NOTCH3: variants seen among roughly 807,000 people sequenced by gnomAD.
The protein encoded by NOTCH3 is notch receptor 3.
Under a neutral mutation model 213.3 loss-of-function variants are expected in NOTCH3, and 86 were observed. The observed-to-expected ratio is 0.40, with a 90% CI of 0.34 to 0.48. The LOEUF is 0.48. Among genes scored for constraint, NOTCH3 ranks in the 20% least tolerant of loss-of-function variants. NOTCH3 has a pLI of 0.57. For synonymous variants in NOTCH3, 1,354 were observed against 1,355.9 expected, an observed-to-expected ratio of 1.00 and a Z score of 0.03; for missense variants, 2,783 against 3,272.6, an observed-to-expected ratio of 0.85 and a Z score of 3.65.
chr19:15,179,521 C>G, intron 20 of NOTCH3, 25 bp from the exon 21 acceptor site: 1 of 1,613,050 alleles, frequency 6.2e-7, no homozygotes, highest in Non-Finnish European at 8.5e-7. Flanking sequence ...GAGAGGGACC[C>G]ACTCAGCTTA....
rs1422424368 is a variant in NOTCH3 at position 15,185,690 on chromosome 19, C to A, written c.1952-11G>T. On this transcript the variant is annotated splice_polypyrimidine_tract_variant and intron_variant, in intron 12 of 32. Coordinates refer to ENST00000263388, the MANE Select transcript of NOTCH3 (RefSeq NM_000435.3). This position sits in a 1 kb window ranked among gnomAD's most constrained non-coding sequence, Gnocchi z 4.2. Reference sequence around the variant, plus strand: ...CGTTACAAAGGGGCCCTGGGGAGTACACAAGCAATCTCATCTCAGAACAAA... The same window carrying A: ...CGTTACAAAGGGGCCCTGGGGAGTAAACAAGCAATCTCATCTCAGAACAAA... The A allele has an allele frequency of 1.2e-6, 2 of 1,612,394 alleles. No homozygotes were observed. The highest frequency in any genetic ancestry group is 1.7e-6 in the Non-Finnish European group (2 of 1,179,960).
chr19:15,189,811 G>T (rs993234489), intron 6 of NOTCH3, among the ~76,000 whole-genome samples: 1 of 151,912 alleles, frequency 6.6e-6, no homozygotes, highest in African/African-American at 2.4e-5. Context: ...GAGCCACCGC[G>T]CCCGGCCTGT....
chr19:15,161,429 G>C lies in NOTCH3; in HGVS notation c.6199C>G (p.Pro2067Ala). Residue 2067 changes from proline to alanine, a missense_variant, in exon 33 of 33, where the codon CCC (proline) becomes GCC (alanine). Coordinates refer to ENST00000263388, the MANE Select transcript of NOTCH3 (RefSeq NM_000435.3). ...QSGSKKSRRP[P>A]GKAGLGPQGP... ...TGCGGCCCCAGCCCCGCCTTCCCGG[G>C]GGGCCTCCTGCTCTTCTTGGACCCC... 6.5e-7 allele frequency: 1 copy of C among 1,536,156 alleles called. No individual in the cohort carries two copies. Among genetic ancestry groups the C allele is most frequent in the Non-Finnish European group, 8.8e-7 (1 of 1,139,136 alleles).
chr19:15,183,647 C>T (rs923613331), intron 16 of NOTCH3, among the ~76,000 whole-genome samples: 1 of 152,158 alleles, frequency 6.6e-6, no homozygotes, highest in East Asian at 1.9e-4. Context: ...GATCCGCCCA[C>T]CTTGGCCTCC....
chr19:15,171,216 C>T (rs915669647), intron 25 of NOTCH3, among the ~76,000 whole-genome samples: 7 of 151,880 alleles, frequency 4.6e-5, no homozygotes, highest in Non-Finnish European at 2.9e-5. Context: ...TTAGTAGAGA[C>T]GGGGTTTCAC....
At chr19:15,161,857 A>G in intron 32 of NOTCH3, 143 bp from the exon 33 acceptor site, 3 of 685,460 alleles carry the variant, frequency 4.4e-6, no homozygotes, top group Non-Finnish European at 7.3e-6. Context: ...GTGCTGGGGG[A>G]GCCTGGACAA....
chr19:15,177,251 G>GAA (rs1555727291), intron 24 of NOTCH3, among the ~76,000 whole-genome samples: 11 of 116,118 alleles, frequency 9.5e-5, no homozygotes, highest in Non-Finnish European at 1.6e-4. Flanking sequence ...TCCATCTCGG[G>GAA]AAAAAAAAAA....
At position 15,177,887 on chromosome 19, in the gene NOTCH3, C is replaced by A; in HGVS notation, c.4041G>T (p.Gly1347=). The A allele has an allele frequency of 8.0e-7, 1 of 1,253,374 alleles. No individual in the cohort carries two copies. Among genetic ancestry groups the A allele is most frequent in the Non-Finnish European group, 1.0e-6 (1 of 1,001,848 alleles). 77.6% of individuals were successfully genotyped at this position (1,253,374 alleles called of 1,614,324 possible). Reference sequence around the variant, plus strand: ...CGAGCGGCGCGGGGCGGCAGGAGCCCCCGTGGAGACAGGGGGCGGCCGCGC... The same window carrying A: ...CGAGCGGCGCGGGGCGGCAGGAGCCACCGTGGAGACAGGGGGCGGCCGCGC... ...ASCAAAPCLH[G]GSCRPAPLAP... Residue 1347 remains glycine, a synonymous_variant, in exon 24 of 33, where the codon GGG becomes GGT. Transcript: ENST00000263388.
chr19:15,192,322 G>C lies in NOTCH3; in HGVS notation c.341-24C>G, dbSNP rs750026329. The C allele has an allele frequency of 5.6e-6, 9 of 1,611,744 alleles. No homozygotes were observed. Among genetic ancestry groups the C allele is most frequent in the East Asian group, 2.2e-5 (1 of 44,840 alleles). ...GCCTGGAGGGACCAGGACAGGGTGA[G>C]TTTAGGACTGACCACACCCCCGACT... On this transcript the variant is annotated intron_variant, in intron 3 of 32. Coordinates refer to ENST00000263388, the MANE Select transcript of NOTCH3 (RefSeq NM_000435.3).
chr19:15,200,988 C>T lies in NOTCH3; in HGVS notation c.-83G>A, dbSNP rs990849147. 7 of 192,416 alleles carry T rather than the reference C, an allele frequency of 3.6e-5. No homozygotes were observed. The highest frequency in any genetic ancestry group is 7.2e-5 in the Non-Finnish European group (7 of 96,864). The allele number at this position is 192,416 out of a possible 1,614,324, so 11.9% of individuals were successfully genotyped here. A position where few individuals can be genotyped will look rare whatever the true frequency, so the allele number is the denominator to read the frequency against. On this transcript the variant is annotated 5_prime_UTR_variant, in exon 1 of 33. Coordinates refer to ENST00000263388, the MANE Select transcript of NOTCH3 (RefSeq NM_000435.3). ...GGGCCAGCCTCCGCGCCGCCAACTT[C>T]GCCGAAGTGAGGCGGCCGGGCCGCC...
intron 26 of NOTCH3, 22 bp from the exon 27 acceptor site, chr19:15,170,575 C>T (rs2074620): frequency 1.9e-6 from 3 of 1,603,510 alleles, no homozygotes; most frequent in East Asian, 2.2e-5. Flanking sequence ...AAGCAGAGGG[C>T]GGGGCTTCAG....
At chr19:15,162,411 T>C in intron 32 of NOTCH3, 54 bp downstream of exon 32, 1 of 1,223,768 alleles carries the variant, frequency 8.2e-7, no homozygotes, top group Non-Finnish European at 1.2e-6. Flanking sequence ...CAGGCTGGAT[T>C]GCAATGGCAC....
intron 6 of NOTCH3, among the ~76,000 whole-genome samples, chr19:15,190,611 G>A (rs990108616): frequency 6.6e-6 from 1 of 151,984 alleles, no homozygotes; most frequent in Non-Finnish European, 1.5e-5. Flanking sequence ...TGTTATACAC[G>A]GTCTTACACT....
At chr19:15,174,775 T>C (rs901257615) in intron 24 of NOTCH3, among the ~76,000 whole-genome samples, 7 of 152,104 alleles carry the variant, frequency 4.6e-5, no homozygotes, top group African/African-American at 1.7e-4. Context: ...GGTTTTACTA[T>C]GTTGGCCAGG....
At chr19:15,176,724 C>G (rs1231631584) in intron 24 of NOTCH3, among the ~76,000 whole-genome samples, 3 of 142,278 alleles carry the variant, frequency 2.1e-5, no homozygotes, top group Non-Finnish European at 4.5e-5. Context: ...GATCACACCA[C>G]TGCACTCCAG....
intron 28 of NOTCH3, among the ~76,000 whole-genome samples, chr19:15,167,880 C>T (rs1231721659): frequency 9.0e-6 from 1 of 110,914 alleles, no homozygotes; most frequent in African/African-American, 3.6e-5. Context: ...AAGGAAGACA[C>T]AAGGTTTCTT....
At position 15,191,835 on chromosome 19, in the gene NOTCH3, C is replaced by A; in HGVS notation, c.712G>T (p.Asp238Tyr). Residue 238 changes from aspartate (D) to tyrosine (Y), a missense_variant, in exon 5 of 33, where the codon GAC (aspartate) becomes TAC (tyrosine). Asp to Tyr is a radical substitution (Grantham distance 160). Transcript: ENST00000263388. ...FEGQNCEVNV[D>Y]DCPGHRCLNG... ...AGACATCGGTGTCCTGGACAGTCGT[C>A]CACGTTCACTTCACAATTCTGACCC... 6.2e-7 allele frequency: 1 copy of A among 1,613,974 alleles called. No individual in the cohort carries two copies. Among genetic ancestry groups the A allele is most frequent in the South Asian group, 1.1e-5 (1 of 91,092 alleles).
At chr19:15,180,900 G>A in intron 18 of NOTCH3, 61 bp downstream of exon 18, 1 of 1,593,412 alleles carries the variant, frequency 6.3e-7, no homozygotes, top group South Asian at 1.1e-5. Context: ...CCCCGACTTG[G>A]CTTCTCCCTC....
Position 15,184,890 on chromosome 19 carries a change from GA to G in NOTCH3, c.2410+15del. 1 of 1,403,720 alleles carries G rather than the reference GA, an allele frequency of 7.1e-7. No individual in the cohort carries two copies. Among genetic ancestry groups the G allele is most frequent in the Non-Finnish European group, 9.9e-7 (1 of 1,012,402 alleles). The allele number at this position is 1,403,720 out of a possible 1,614,324, so 87.0% of individuals were successfully genotyped here. The stretch of plus-strand genomic sequence containing the variant: ...AGGAGATGGAGAGGAGGAGGGAAGA[GA>G]AGCAGGTGGCATACCTTGCCAGCCC... On this transcript the variant is annotated intron_variant, in intron 15 of 32. Coordinates refer to ENST00000263388, the MANE Select transcript of NOTCH3 (RefSeq NM_000435.3).
Sources: gnomAD v4.1 joint callset for allele counts (sites outside exome capture counted in the v4.1 genomes callset) on GRCh38, gnomAD v4.1.1 for gene constraint, Gnocchi (gnomAD v3.1) non-coding constraint, MANE v1.5 for transcripts, NCBI Gene and HGNC (gene_info 2026-07-23, HGNC 2026-07-21) for gene names.